SEPTIN4: variants seen among roughly 807,000 people sequenced by gnomAD.
The protein encoded by SEPTIN4 is septin 4.
A neutral mutation model predicts 107.1 loss-of-function variants in SEPTIN4; 52 were observed. The observed-to-expected ratio is 0.49, with a 90% CI of 0.39 to 0.61. The LOEUF (loss-of-function observed/expected upper bound fraction) is 0.61. SEPTIN4 is among the 20% of genes least tolerant of loss of function. The pLI is 0.00. For missense variants in SEPTIN4, 1,048 were observed against 1,243.5 expected (o/e 0.84, Z 2.36); for synonymous variants, 417 against 467.0 (o/e 0.89, Z 1.38).
chr17:58,526,675 G>T lies in SEPTIN4; in HGVS notation c.1911+7C>A. 6.4e-7 allele frequency: 1 copy of T among 1,554,122 alleles called. No homozygotes were observed. Among genetic ancestry groups the T allele is most frequent in the Admixed American group, 2.1e-5 (1 of 47,058 alleles). On this transcript the variant is annotated splice_region_variant and intron_variant, in intron 4 of 13. Coordinates refer to ENST00000672673, the MANE Select transcript of SEPTIN4 (RefSeq NM_001368771.2). ...CTGAAAGGCAAAGGCAGGGCTGGAG[G>T]CTCTACCTCAGAGGAATCATAGGGA...
At chr17:58,526,092 G>A (rs536756138) in intron 5 of SEPTIN4, 128 bp downstream of exon 5, 18 of 1,281,082 alleles carry the variant, frequency 1.4e-5, no homozygotes, top group South Asian at 1.7e-5. Flanking sequence ...ACTCCTGGCT[G>A]TTTTGCAAAA....
In SEPTIN4 at chr17:58,525,131, C is replaced by T. The variant is rs1051283836; in HGVS notation, c.2163G>A (p.Arg721=). 1 of 1,614,228 alleles carries T rather than the reference C, an allele frequency of 6.2e-7. No individual in the cohort carries two copies. The highest frequency in any genetic ancestry group is 1.3e-5 in the African/African-American group (1 of 75,054). ...VDIEEKGVRL[R]LTIVDTPGFG... ...AACCTGGTGTGTCCACAATGGTGAG[C>T]CGCAGCCTCACACCCTTCTCTTCTA... Residue 721 remains arginine, a synonymous_variant, in exon 7 of 14, where the codon CGG becomes CGA. Coordinates refer to ENST00000672673, the MANE Select transcript of SEPTIN4 (RefSeq NM_001368771.2).
intron 3 of SEPTIN4, chr17:58,527,607 C>T (rs1567965027): frequency 6.1e-6 from 1 of 162,970 alleles, no homozygotes; most frequent in African/African-American, 2.4e-5. Flanking sequence ...GTTGATCCTA[C>T]CCCTTACTCC....
In SEPTIN4 at chr17:58,529,306, T is replaced by C. The variant is rs982872010; in HGVS notation, c.1615-2328A>G. The C allele has an allele frequency of 4.5e-6, 7 of 1,551,698 alleles. No homozygotes were observed. The Admixed American group carries it at 1.1e-4, about 25-fold the overall frequency. ...GGCTTCCTGGCTTGCTCCTTTCCCT[T>C]TCTCTTTGACCCCCTTCTGTCTCTG... On this transcript the variant is annotated intron_variant, in intron 3 of 13. Transcript: ENST00000672673.
Position 58,524,976 on chromosome 17 carries a change from G to A in SEPTIN4, c.2216+102C>T, listed in dbSNP as rs1421649256. The A allele has an allele frequency of 2.7e-5, 40 of 1,499,532 alleles. 1 individual carries two copies. The highest frequency in any genetic ancestry group is 4.6e-5 in the East Asian group (2 of 43,710). The allele number at this position is 1,499,532 out of a possible 1,614,324, so 92.9% of individuals were successfully genotyped here. ...AGTCACATGCTCAAGGTCATAGACC[G>A]CTTCCTCCTGATAAGTATGGATATA... On this transcript the variant is annotated intron_variant, in intron 7 of 13. Coordinates refer to ENST00000672673, the MANE Select transcript of SEPTIN4 (RefSeq NM_001368771.2).
intron 5 of SEPTIN4, 170 bp from the exon 6 acceptor site, chr17:58,525,951 G>A: frequency 2.3e-6 from 2 of 872,042 alleles, no homozygotes; most frequent in South Asian, 1.8e-5. Flanking sequence ...TGGCTTGGGG[G>A]AGCAAGAGAT....
chr17:58,533,524 T>C (rs1294780196), intron 3 of SEPTIN4, among the ~76,000 whole-genome samples: 5 of 151,036 alleles, frequency 3.3e-5, no homozygotes, highest in Admixed American at 6.6e-5. Context: ...TGGAGAAAGG[T>C]TGGACATGCA....
chr17:58,535,492 G>A (rs1471407703), intron 3 of SEPTIN4, among the ~76,000 whole-genome samples: 2 of 152,150 alleles, frequency 1.3e-5, no homozygotes, highest in Admixed American at 6.5e-5. Flanking sequence ...ACATACCTCC[G>A]ATGGCCAAAA....
chr17:58,523,382 AAAAG>A (rs1297379294), intron 7 of SEPTIN4, among the ~76,000 whole-genome samples: 2 of 151,766 alleles, frequency 1.3e-5, no homozygotes, highest in Non-Finnish European at 2.9e-5. Context: ...AAAAAAAAAA[AAAAG>A]AAAGGAGGAA....
chr17:58,531,598 T>C (rs2043467200), intron 3 of SEPTIN4: 1 of 164,100 alleles, frequency 6.1e-6, no homozygotes, highest in Non-Finnish European at 1.3e-5. Context: ...AGGTAAAAGC[T>C]GACCCAGGCG....
In SEPTIN4 at chr17:58,526,914, GA is replaced by G; in HGVS notation, c.1678del (p.Ser560GlnfsTer98). On this transcript the variant is annotated frameshift_variant, in exon 4 of 14. Coordinates refer to ENST00000672673, the MANE Select transcript of SEPTIN4 (RefSeq NM_001368771.2). LOFTEE classifies it high-confidence loss of function. ...GELSKFVKDF[S>X]GNASCHPPEA... ...TGGTGGGTGGCAGCTCGCATTTCCT[GA>G]GAAATCCTTCACGAACTTGCTCAGT... 1.2e-6 allele frequency: 2 copies of G among 1,614,130 alleles called. No homozygotes were observed. Among genetic ancestry groups the G allele is most frequent in the South Asian group, 2.2e-5 (2 of 91,078 alleles).
At chr17:58,527,706 C>CTGGGAGAGACCAGGTGAGGGAGGA in intron 3 of SEPTIN4, 1 of 411,224 alleles carries the variant, frequency 2.4e-6, no homozygotes, top group Non-Finnish European at 3.3e-6. Flanking sequence ...TGGGAGGCAG[C>CTGGGAGAGACCAGGTGAGGGAGGA]TGGGAGAGAC....
chr17:58,524,986 G>C (rs1159210945), intron 7 of SEPTIN4, 92 bp downstream of exon 7: 1 of 1,553,098 alleles, frequency 6.4e-7, no homozygotes, highest in Non-Finnish European at 8.8e-7. Flanking sequence ...GCTTCCTCCT[G>C]ATAAGTATGG....
intron 3 of SEPTIN4, among the ~76,000 whole-genome samples, chr17:58,532,636 CA>C (rs2043557241): frequency 6.6e-6 from 1 of 152,176 alleles, no homozygotes; most frequent in South Asian, 2.1e-4. Context: ...ACAAATTATC[CA>C]GGGATCATCT....
chr17:58,534,373 C>T (rs981978024), intron 3 of SEPTIN4, among the ~76,000 whole-genome samples: 1 of 152,200 alleles, frequency 6.6e-6, no homozygotes, highest in Non-Finnish European at 1.5e-5. Flanking sequence ...AGTCCCTTGC[C>T]CTCTCTGGGC....
intron 1 of SEPTIN4, among the ~76,000 whole-genome samples, chr17:58,542,372 AG>A (rs2043903896): frequency 4.6e-5 from 7 of 152,218 alleles, no homozygotes; most frequent in Admixed American, 4.6e-4. Context: ...TCAATTAAAA[AG>A]GTAAGCAGTG....
chr17:58,534,569 C>T (rs1302017131), intron 3 of SEPTIN4, among the ~76,000 whole-genome samples: 1 of 152,252 alleles, frequency 6.6e-6, no homozygotes, highest in African/African-American at 2.4e-5. Context: ...AACTCTGCTT[C>T]AGCATGGCTT....
At chr17:58,522,521 G>A (rs138299733) in intron 7 of SEPTIN4, among the ~76,000 whole-genome samples, 70 of 151,960 alleles carry the variant, frequency 4.6e-4, no homozygotes, top group African/African-American at 1.6e-3. Flanking sequence ...TTAGCTGGGC[G>A]TGGTGGTGTG....
Position 58,521,682 on chromosome 17 carries a change from C to A in SEPTIN4, c.2470-36G>T, listed in dbSNP as rs2042285652. ...GATGAGGGGCCCACAGTTCTGGGGA[C>A]CACATCCTTTCTAGAAGCCCACCTG... On this transcript the variant is annotated intron_variant, in intron 9 of 13. Coordinates refer to ENST00000672673, the MANE Select transcript of SEPTIN4 (RefSeq NM_001368771.2). The surrounding 1 kb of genome is among the most constrained non-coding windows in gnomAD (Gnocchi z 6.4). 2 of 1,614,218 alleles carry A rather than the reference C, an allele frequency of 1.2e-6. No individual in the cohort carries two copies. Among genetic ancestry groups the A allele is most frequent in the Non-Finnish European group, 1.7e-6 (2 of 1,180,034 alleles).
Sources: allele counts gnomAD v4.1 joint callset (sites outside exome capture counted in the v4.1 genomes callset), GRCh38; gene constraint gnomAD v4.1.1; non-coding constraint Gnocchi (gnomAD v3.1); transcripts MANE v1.5; gene names NCBI Gene and HGNC (gene_info 2026-07-23, HGNC 2026-07-21).